Variants in ARHGEF28 observed in about 807,000 individuals in gnomAD.
The protein encoded by ARHGEF28 is 190 kDa guanine nucleotide exchange factor.
ARHGEF28 carries 152 observed loss-of-function variants against 206.6 expected under a neutral mutation model. The ratio of observed to expected loss-of-function variants is 0.74; its 90% CI spans 0.64 to 0.84. The LOEUF (loss-of-function observed/expected upper bound fraction) is 0.84. Ranked by LOEUF, ARHGEF28 falls within the 40% of genes least tolerant of loss-of-function variation. The probability of loss-of-function intolerance (pLI) is 0.00; values close to 1 mark genes in which losing one functional copy is unlikely to be tolerated. For synonymous variants in ARHGEF28, 763 were observed against 776.4 expected (o/e 0.98, Z 0.29); for missense variants, 2,028 against 2,073.2 (o/e 0.98, Z 0.42).
At chr5:73,780,570 C>T in intron 6 of ARHGEF28, 106 bp from the exon 7 acceptor site, 2 of 1,195,410 alleles carry the variant, frequency 1.7e-6, no homozygotes, top group South Asian at 1.4e-5. Flanking sequence ...TCCCAACCTC[C>T]TAGCTCTGAG....
intron 7 of ARHGEF28, among the ~76,000 whole-genome samples, chr5:73,782,870 G>C (rs988616478): frequency 1.8e-4 from 27 of 152,132 alleles, no homozygotes; most frequent in African/African-American, 5.5e-4. Context: ...TAAGTTTCTG[G>C]GCACTTGATT....
intron 2 of ARHGEF28, among the ~76,000 whole-genome samples, chr5:73,719,241 C>T (rs1172591124): frequency 6.6e-6 from 1 of 152,112 alleles, no homozygotes; most frequent in Non-Finnish European, 1.5e-5. Flanking sequence ...TCAACCCCAT[C>T]TCTGCTAAAA....
Position 73,909,705 on chromosome 5 carries a change from G to A in ARHGEF28, c.4455G>A (p.Leu1485=). 6.5e-7 allele frequency: 1 copy of A among 1,530,528 alleles called. No homozygotes were observed. The allele number at this position is 1,530,528 out of a possible 1,614,324, so 94.8% of individuals were successfully genotyped here. The change falls in exon 34 of 36, where the codon CTG becomes CTA. Residue 1485 remains leucine (L), a synonymous_variant. Coordinates refer to ENST00000513042, the MANE Select transcript of ARHGEF28 (RefSeq NM_001177693.2). ...GGGAGTGCCAGTCGCAGGAGGAGCT[G>A]CTGCTGCGGAGCCGGGGCGAGCTGG... The part of the protein sequence containing the change: ...RERECQSQEE[L]LLRSRGELDL...
At chr5:73,637,189 G>T (rs1413013368) in intron 1 of ARHGEF28, among the ~76,000 whole-genome samples, 1 of 152,106 alleles carries the variant, frequency 6.6e-6, no homozygotes, top group East Asian at 1.9e-4. Flanking sequence ...GTGAGGCTGG[G>T]TGGAGAATAT....
chr5:73,776,563 A>T lies in ARHGEF28; in HGVS notation c.707A>T (p.Glu236Val). The T allele has an allele frequency of 2.5e-6, 4 of 1,613,870 alleles. No individual in the cohort carries two copies. Among genetic ancestry groups the T allele is most frequent in the Non-Finnish European group, 3.4e-6 (4 of 1,179,812 alleles). Residue 236 changes from glutamate (E) to valine (V), a missense_variant, in exon 6 of 36, where the codon GAA (glutamate) becomes GTA (valine). Physicochemically the swap from Glu to Val is moderately radical, Grantham distance 121. Coordinates refer to ENST00000513042, the MANE Select transcript of ARHGEF28 (RefSeq NM_001177693.2). ...SPSFSRVQLS[E>V]EASLHYIHSS... ...AGCTTCTCCCGAGTGCAGCTCAGTG[A>T]AGAAGCCTCCTTGCATTACATTCAC...
intron 1 of ARHGEF28, among the ~76,000 whole-genome samples, chr5:73,655,008 T>C (rs112521395): frequency 2.0e-5 from 3 of 152,218 alleles, no homozygotes; most frequent in Non-Finnish European, 4.4e-5. Context: ...TAAAATCTCA[T>C]TGGGCAAGGA....
chr5:73,923,047 T>A, intron 35 of ARHGEF28: 1 of 1,510,206 alleles, frequency 6.6e-7, no homozygotes, highest in South Asian at 1.2e-5. Context: ...TGATGGTCTG[T>A]TAGTCAGCAT....
Position 73,911,467 on chromosome 5 carries a change from G to A in ARHGEF28, c.4840G>A (p.Val1614Met), listed in dbSNP as rs2112730486. ...TAGTGAACATCAAGTAGACCTCAAG[G>A]TGGACCCTTCTCAGCCTTCGAATGT... Reference protein sequence around the residue: ...RTSEHQVDLKVDPSQPSNVSH... With the variant: ...RTSEHQVDLKMDPSQPSNVSH... The change falls in exon 35 of 36, where the codon GTG (valine) becomes ATG (methionine). Residue 1614 changes from valine (V) to methionine (M), a missense_variant. Val to Met is a conservative substitution (Grantham distance 21). Coordinates refer to ENST00000513042, the MANE Select transcript of ARHGEF28 (RefSeq NM_001177693.2). The A allele has an allele frequency of 3.1e-6, 5 of 1,613,962 alleles. No homozygotes were observed. In the South Asian group the frequency reaches 3.3e-5, roughly 11 times the overall value.
intron 27 of ARHGEF28, 21 bp downstream of exon 27, chr5:73,892,251 T>C: frequency 6.4e-7 from 1 of 1,551,260 alleles, no homozygotes; most frequent in Non-Finnish European, 8.7e-7. Flanking sequence ...CTTCCGTCCA[T>C]AATCTATGGA....
intron 2 of ARHGEF28, among the ~76,000 whole-genome samples, chr5:73,744,124 A>G (rs1473554030): frequency 2.0e-5 from 3 of 152,196 alleles, no homozygotes; most frequent in Non-Finnish European, 4.4e-5. Flanking sequence ...TGCTGTACAC[A>G]TAGATAATAT....
intron 2 of ARHGEF28, among the ~76,000 whole-genome samples, chr5:73,691,662 C>T (rs1402452048): frequency 1.3e-5 from 2 of 152,204 alleles, no homozygotes; most frequent in Non-Finnish European, 2.9e-5. Context: ...TTCATATATA[C>T]ATATACAAGC....
At position 73,913,816 on chromosome 5, in the gene ARHGEF28, A is replaced by G. The variant is rs1388253583; in HGVS notation, c.4948+2241A>G. Among the ~76,000 whole-genome samples the G allele has an allele frequency of 2.6e-5, 4 of 152,328 alleles. No homozygotes were observed. The East Asian group carries it at 5.8e-4, about 22-fold the overall frequency. On this transcript the variant is annotated intron_variant, in intron 35 of 35. Transcript: ENST00000513042. ...AATGTTGTGGGCTGGTATTTTAGCTAAATGTGTACTTAACCATGATTTCAT... is the reference window on the plus strand; with the variant it reads ...AATGTTGTGGGCTGGTATTTTAGCTGAATGTGTACTTAACCATGATTTCAT...
chr5:73,776,969 G>T (rs1390821016), intron 6 of ARHGEF28, among the ~76,000 whole-genome samples: 2 of 151,960 alleles, frequency 1.3e-5, no homozygotes, highest in African/African-American at 4.8e-5. Context: ...TTAATTTATT[G>T]ATTGTATTAT....
chr5:73,858,439 G>A (rs1759189858), intron 16 of ARHGEF28, among the ~76,000 whole-genome samples: 1 of 151,872 alleles, frequency 6.6e-6, no homozygotes, highest in Admixed American at 6.6e-5. Flanking sequence ...TCTCCACTGG[G>A]ATGTCTAAAG....
intron 1 of ARHGEF28, among the ~76,000 whole-genome samples, chr5:73,657,176 A>C (rs1243991727): frequency 1.4e-5 from 2 of 147,456 alleles, no homozygotes; most frequent in South Asian, 2.1e-4. Flanking sequence ...CCGTCCCAAA[A>C]AAAAAAAAAA....
chr5:73,913,079 G>C (rs746895564), intron 35 of ARHGEF28, among the ~76,000 whole-genome samples: 11 of 152,114 alleles, frequency 7.2e-5, no homozygotes, highest in Admixed American at 2.0e-4. Context: ...AATGTACTAA[G>C]GAAATAAACA....
chr5:73,642,329 G>A (rs894046001), intron 1 of ARHGEF28, among the ~76,000 whole-genome samples: 1 of 152,170 alleles, frequency 6.6e-6, no homozygotes, highest in Non-Finnish European at 1.5e-5. Flanking sequence ...GTGTAAAACA[G>A]GGTTTTGTTT....
At chr5:73,728,287 A>G (rs1422125526) in intron 2 of ARHGEF28, among the ~76,000 whole-genome samples, 2 of 152,146 alleles carry the variant, frequency 1.3e-5, no homozygotes, top group Non-Finnish European at 2.9e-5. Flanking sequence ...GTTTCATCCC[A>G]ATGTAGTAAA....
intron 4 of ARHGEF28, among the ~76,000 whole-genome samples, chr5:73,763,109 A>T (rs116741655): frequency 0.012 from 1,894 of 152,302 alleles, 8 homozygotes; most frequent in Non-Finnish European, 0.019. Flanking sequence ...TCTTTTTTTC[A>T]TTCATGGATA....
Sources: gnomAD v4.1 joint callset for allele counts (sites outside exome capture counted in the v4.1 genomes callset) on GRCh38, gnomAD v4.1.1 for gene constraint, MANE v1.5 for transcripts, NCBI Gene and HGNC (gene_info 2026-07-23, HGNC 2026-07-21) for gene names.